MAPRE2: variants seen among roughly 807,000 people sequenced by gnomAD.
MAPRE2 encodes microtubule-associated protein RP/EB family member 2.
In MAPRE2, 13 loss-of-function variants were observed where a neutral mutation model predicts 43.2. The ratio of observed to expected loss-of-function variants is 0.30; its 90% CI spans 0.20 to 0.48. The LOEUF is 0.48. Among genes scored for constraint, MAPRE2 ranks in the 20% least tolerant of loss-of-function variants. The pLI, the probability that MAPRE2 is intolerant of heterozygous loss-of-function variation, is 0.99. For missense variants in MAPRE2, 161 were observed against 400.2 expected (o/e 0.40, Z 5.10); for synonymous variants, 135 against 148.8 (o/e 0.91, Z 0.68).
At chr18:34,980,090 G>T (rs1445893909) in intron 1 of MAPRE2, among the ~76,000 whole-genome samples, 1 of 134,496 alleles carries the variant, frequency 7.4e-6, no homozygotes. Flanking sequence ...AGGCTGGCAC[G>T]ATTTCGGCTC....
chr18:35,072,938 GA>G (rs200354956), intron 2 of MAPRE2, among the ~76,000 whole-genome samples: 24 of 146,856 alleles, frequency 1.6e-4, no homozygotes, highest in African/African-American at 4.7e-4. Flanking sequence ...TTTCTCGCTA[GA>G]AAAAAAAAAG....
rs150151570 is a variant in MAPRE2, at chr18:35,096,046, T to G, written c.251-1400T>G. Among the ~76,000 whole-genome samples the G allele has an allele frequency of 4.8e-4, 73 of 152,324 alleles. No individual in the cohort carries two copies. In the East Asian group the frequency reaches 0.013, roughly 27 times the overall value. On this transcript the variant is annotated intron_variant, in intron 2 of 6. Coordinates refer to ENST00000300249, the MANE Select transcript of MAPRE2 (RefSeq NM_014268.4). Reference sequence around the variant, plus strand: ...AGGAGTTGCCCCAGCATTTCATGTTTTAACAACCCTTAGATTCCTGATGTC... The same window carrying G: ...AGGAGTTGCCCCAGCATTTCATGTTGTAACAACCCTTAGATTCCTGATGTC...
At chr18:34,985,320 A>ATATTATATAATATAT (rs1555909506) in intron 1 of MAPRE2, among the ~76,000 whole-genome samples, 2 of 41,222 alleles carry the variant, frequency 4.9e-5, no homozygotes, top group Admixed American at 5.1e-4. Flanking sequence ...ATTATATTAT[A>ATATTATATAATATAT]TATATAATAT....
intron 2 of MAPRE2, among the ~76,000 whole-genome samples, chr18:35,016,697 G>C (rs1198493516): frequency 2.6e-5 from 4 of 151,986 alleles, no homozygotes; most frequent in East Asian, 1.9e-4. Context: ...ATAGACTCTG[G>C]ATATTAGACC....
At chr18:34,981,269 G>C (rs2097016069) in intron 1 of MAPRE2, among the ~76,000 whole-genome samples, 1 of 151,942 alleles carries the variant, frequency 6.6e-6, no homozygotes, top group Non-Finnish European at 1.5e-5. Context: ...AGCTACTCGG[G>C]AGGCTGAGGT....
At chr18:35,090,290 T>G (rs563124372) in intron 2 of MAPRE2, among the ~76,000 whole-genome samples, 165 of 152,256 alleles carry the variant, frequency 1.1e-3, no homozygotes, top group Middle Eastern at 3.4e-3. Context: ...AACTTTAGGG[T>G]ATATGAATTA....
At chr18:35,113,379 G>A (rs753799865) in intron 4 of MAPRE2, among the ~76,000 whole-genome samples, 19 of 151,970 alleles carry the variant, frequency 1.3e-4, no homozygotes, top group Admixed American at 2.6e-4. Flanking sequence ...TGCTTACTGA[G>A]GTAGCATTTT....
chr18:34,993,790 C>A (rs2097025010), intron 1 of MAPRE2, among the ~76,000 whole-genome samples: 1 of 152,120 alleles, frequency 6.6e-6, no homozygotes, highest in African/African-American at 2.4e-5. Flanking sequence ...TTGTGTTCTA[C>A]CCATTTTGAA....
At chr18:35,004,142 A>G (rs952692923) in intron 1 of MAPRE2, among the ~76,000 whole-genome samples, 3 of 152,002 alleles carry the variant, frequency 2.0e-5, no homozygotes, top group Admixed American at 6.6e-5. Flanking sequence ...ACCTTTTTTT[A>G]ACTAAACATC....
intron 1 of MAPRE2, among the ~76,000 whole-genome samples, chr18:34,980,146 C>T (rs1383739363): frequency 6.6e-6 from 1 of 151,242 alleles, no homozygotes; most frequent in East Asian, 1.9e-4. Flanking sequence ...CTGCCTCAGC[C>T]TCCTGAGTAG....
At chr18:35,019,903 C>G (rs2097040866) in intron 2 of MAPRE2, among the ~76,000 whole-genome samples, 1 of 151,950 alleles carries the variant, frequency 6.6e-6, no homozygotes. Context: ...ATAATTTTTG[C>G]TTTCCAAATA....
intron 6 of MAPRE2, among the ~76,000 whole-genome samples, chr18:35,136,915 A>G (rs533706038): frequency 3.3e-4 from 50 of 152,236 alleles, no homozygotes; most frequent in Non-Finnish European, 7.1e-4. Flanking sequence ...ATACGCACAT[A>G]TTAGAATTAT....
chr18:35,080,974 A>G (rs1907602523), intron 2 of MAPRE2, among the ~76,000 whole-genome samples: 1 of 152,224 alleles, frequency 6.6e-6, no homozygotes. Flanking sequence ...ATAAATGTGA[A>G]ACTAATGCGA....
intron 1 of MAPRE2, among the ~76,000 whole-genome samples, chr18:34,978,692 C>A (rs2097014524): frequency 6.6e-6 from 1 of 152,122 alleles, no homozygotes; most frequent in African/African-American, 2.4e-5. Flanking sequence ...TTCTTTTCTG[C>A]CAAACTGATT....
At position 34,999,149 on chromosome 18, in the gene MAPRE2, G is replaced by T. The variant is rs540218404; in HGVS notation, c.-69-6343G>T. On this transcript the variant is annotated intron_variant, in intron 1 of 7. Transcript: ENST00000413393. ...TAACATGCATTCTGCCACGTAACAT[G>T]CATTCTCCCACATTTCATTATTAAT... 1.4e-4 allele frequency among the ~76,000 whole-genome samples: 21 copies of T among 152,260 alleles called. No individual in the cohort carries two copies. In the South Asian group the frequency reaches 3.1e-3, roughly 23 times the overall value.
chr18:35,092,236 A>G (rs182324230), intron 2 of MAPRE2, among the ~76,000 whole-genome samples: 5 of 152,314 alleles, frequency 3.3e-5, no homozygotes, highest in Admixed American at 3.3e-4. Context: ...GTGGGTGGGG[A>G]CGCAGATCCA....
intron 2 of MAPRE2, among the ~76,000 whole-genome samples, chr18:35,032,584 C>A (rs1405427754): frequency 1.3e-5 from 2 of 152,128 alleles, no homozygotes. Context: ...CATGATTGTG[C>A]TATAAGCTAG....
At chr18:34,985,394 A>T (rs2097019760) in intron 1 of MAPRE2, among the ~76,000 whole-genome samples, 1 of 39,708 alleles carries the variant, frequency 2.5e-5, no homozygotes, top group Non-Finnish European at 4.2e-5. Context: ...ATATATATAT[A>T]ATATATAATA....
intron 4 of MAPRE2, among the ~76,000 whole-genome samples, chr18:35,106,895 C>T (rs1908935126): frequency 6.6e-6 from 1 of 152,064 alleles, no homozygotes; most frequent in African/African-American, 2.4e-5. Flanking sequence ...GTACATGCAT[C>T]ATTGTGAATC....
Sources: allele counts gnomAD v4.1 joint callset (sites outside exome capture counted in the v4.1 genomes callset), GRCh38; gene constraint gnomAD v4.1.1; transcripts MANE v1.5; gene names NCBI Gene and HGNC (gene_info 2026-07-23, HGNC 2026-07-21).